The following ATP2B4 variants were observed in gnomAD, a reference collection of about 807,000 sequenced individuals.
ATP2B4 encodes the protein ATPase plasma membrane Ca2+ transporting 4, also known as plasma membrane calcium-transporting ATPase 4.
A neutral mutation model predicts 110.3 loss-of-function variants in ATP2B4; 39 were observed. That is an observed-to-expected ratio of 0.35 (90% CI 0.27 to 0.46). The LOEUF (loss-of-function observed/expected upper bound fraction) is 0.46. Among genes scored for constraint, ATP2B4 ranks in the 20% least tolerant of loss-of-function variants. The probability of loss-of-function intolerance (pLI) is 1.00; values close to 1 mark genes in which losing one functional copy is unlikely to be tolerated. For synonymous variants in ATP2B4, 538 were observed against 571.7 expected (o/e 0.94, Z 0.84); for missense variants, 1,135 against 1,530.9 (o/e 0.74, Z 4.32).
rs373048950 is a variant in ATP2B4, at chr1:203,649,615, AAAAC to A, written c.-465+22404_-465+22407del. 5.8e-4 allele frequency among the ~76,000 whole-genome samples: 89 copies of A among 152,242 alleles called. 1 individual carries two copies. In the East Asian group the frequency reaches 0.017, roughly 29 times the overall value. On this transcript the variant is annotated intron_variant, in intron 1 of 20. Coordinates refer to ENST00000357681, the MANE Select transcript of ATP2B4 (RefSeq NM_001684.5). ...GGGAAACCCCATCTCTACCAAAACC[AAAAC>A]AAACAAAACAAAACAAAACAAAAAA...
At chr1:203,724,867 GT>G (rs1031319768) in intron 19 of ATP2B4, among the ~76,000 whole-genome samples, 40 of 78,418 alleles carry the variant, frequency 5.1e-4, no homozygotes, top group East Asian at 1.5e-3. Context: ...CCAGCTCTCT[GT>G]TTTTTTTTTT....
chr1:203,737,858 A>G (rs928993048), intron 20 of ATP2B4, among the ~76,000 whole-genome samples: 2 of 152,096 alleles, frequency 1.3e-5, no homozygotes, highest in African/African-American at 4.8e-5. Context: ...CGAGATAAAG[A>G]AAGCCTTAGC....
chr1:203,680,230 G>T (rs192256909), intron 1 of ATP2B4, among the ~76,000 whole-genome samples: 2 of 152,172 alleles, frequency 1.3e-5, no homozygotes, highest in East Asian at 1.9e-4. Flanking sequence ...GTGGGGTGGG[G>T]GTTCCCTGGC....
chr1:203,655,893 T>C (rs1664145831), intron 1 of ATP2B4, among the ~76,000 whole-genome samples: 1 of 151,968 alleles, frequency 6.6e-6, no homozygotes, highest in Non-Finnish European at 1.5e-5. Flanking sequence ...AGATGATCAT[T>C]AGCGTTGTGT....
At chr1:203,657,774 G>C in intron 1 of ATP2B4, 2 of 640,778 alleles carry the variant, frequency 3.1e-6, no homozygotes, top group African/African-American at 3.7e-5. Flanking sequence ...GACAGGCGCA[G>C]AACCACCAGG....
chr1:203,660,540 G>A (rs957069348), intron 1 of ATP2B4, among the ~76,000 whole-genome samples: 2 of 152,114 alleles, frequency 1.3e-5, no homozygotes, highest in Non-Finnish European at 2.9e-5. Flanking sequence ...AGTGGCTCAC[G>A]CCTGTAATTC....
Position 203,629,746 on chromosome 1 carries a change from T to C in ATP2B4, c.-465+2527T>C, listed in dbSNP as rs1571656547. On this transcript the variant is annotated intron_variant, in intron 1 of 20. Transcript: ENST00000357681. This position sits in a 1 kb window ranked among gnomAD's most constrained non-coding sequence, Gnocchi z 4.6. The stretch of plus-strand genomic sequence containing the variant: ...GAACGGAGGCTTCCTGCCTCCCAGG[T>C]TGTGCCGAGCCTCAGACCCTTCTCC... Among the ~76,000 whole-genome samples, 2 of 152,082 alleles carry C rather than the reference T, an allele frequency of 1.3e-5. No homozygotes were observed. Among genetic ancestry groups the C allele is most frequent in the African/African-American group, 4.8e-5 (2 of 41,416 alleles).
chr1:203,644,896 G>A (rs1042812417), intron 1 of ATP2B4, among the ~76,000 whole-genome samples: 4 of 152,228 alleles, frequency 2.6e-5, no homozygotes, highest in South Asian at 4.2e-4. Context: ...CTGCAGCCCC[G>A]CTCTGTATGA....
At chr1:203,710,556 T>G (rs1665975363) in intron 11 of ATP2B4, among the ~76,000 whole-genome samples, 1 of 152,164 alleles carries the variant, frequency 6.6e-6, no homozygotes, top group African/African-American at 2.4e-5. Context: ...TTCTAAATAC[T>G]CGGATTGAAA....
chr1:203,731,120 G>T (rs1418174784), intron 20 of ATP2B4, among the ~76,000 whole-genome samples: 2 of 152,120 alleles, frequency 1.3e-5, no homozygotes, highest in South Asian at 4.1e-4. Context: ...TTCTTCCATG[G>T]AGCTGGAACC....
At chr1:203,701,029 C>A in intron 6 of ATP2B4, 106 bp downstream of exon 6, 2 of 1,388,038 alleles carry the variant, frequency 1.4e-6, no homozygotes, top group East Asian at 2.6e-5. Flanking sequence ...GAATCTGCTG[C>A]CATGAAGAAA....
chr1:203,630,440 A>T (rs1461270427), intron 1 of ATP2B4, among the ~76,000 whole-genome samples: 1 of 143,466 alleles, frequency 7.0e-6, no homozygotes, highest in Non-Finnish European at 1.5e-5. Flanking sequence ...AGCCCTATCC[A>T]CTAGGACAGA....
chr1:203,721,301 G>A lies in ATP2B4; in HGVS notation c.2703G>A (p.Lys901=), dbSNP rs1221241085. The part of the protein sequence containing the change: ...ATEPPTESLL[K]RRPYGRNKPL... ...AGCCCCCTACGGAATCTCTGTTGAAGCGGCGCCCCTATGGCCGAAATAAGC... is the reference window on the plus strand; with the variant it reads ...AGCCCCCTACGGAATCTCTGTTGAAACGGCGCCCCTATGGCCGAAATAAGC... The change falls in exon 17 of 21, where the codon AAG becomes AAA. Residue 901 remains lysine, a synonymous_variant. Transcript: ENST00000357681. The A allele has an allele frequency of 6.2e-7, 1 of 1,614,254 alleles. No individual in the cohort carries two copies.
intron 1 of ATP2B4, among the ~76,000 whole-genome samples, chr1:203,658,277 A>T (rs770556194): frequency 2.6e-5 from 4 of 151,716 alleles, no homozygotes; most frequent in Non-Finnish European, 5.9e-5. Flanking sequence ...TAGTCCTAGC[A>T]CTCTGGAAAA....
chr1:203,699,810 C>A, intron 4 of ATP2B4, 93 bp downstream of exon 4: 1 of 1,536,098 alleles, frequency 6.5e-7, no homozygotes, highest in Non-Finnish European at 8.8e-7. Flanking sequence ...TTGCTGAAAA[C>A]CCAAAAAGAT....
At chr1:203,644,271 A>AG (rs1663724118) in intron 1 of ATP2B4, among the ~76,000 whole-genome samples, 1 of 148,900 alleles carries the variant, frequency 6.7e-6, no homozygotes, top group Non-Finnish European at 1.5e-5. Context: ...AAAAAAAAAA[A>AG]GAATGCTTGG....
chr1:203,649,342 A>T (rs1211787147), intron 1 of ATP2B4, among the ~76,000 whole-genome samples: 1 of 152,232 alleles, frequency 6.6e-6, no homozygotes, highest in African/African-American at 2.4e-5. Context: ...GCTAGTAGGT[A>T]ACAGTGTGAC....
At chr1:203,713,913 A>G (rs1045906942) in intron 14 of ATP2B4, among the ~76,000 whole-genome samples, 1 of 152,164 alleles carries the variant, frequency 6.6e-6, no homozygotes. Flanking sequence ...GTACGTGGAA[A>G]TGGTGCAGTT....
At position 203,739,867 on chromosome 1, in the gene ATP2B4, T is replaced by C; in HGVS notation, c.*13T>C. The stretch of plus-strand genomic sequence containing the variant: ...GACATCAGTTTGAATTTTCTTTCTC[T>C]GACTCTCATCCCTATTTTACCTATT... On this transcript the variant is annotated 3_prime_UTR_variant, in exon 21 of 21. Coordinates refer to ENST00000357681, the MANE Select transcript of ATP2B4 (RefSeq NM_001684.5). The C allele has an allele frequency of 1.9e-6, 3 of 1,600,308 alleles. No homozygotes were observed. The highest frequency in any genetic ancestry group is 2.6e-6 in the Non-Finnish European group (3 of 1,172,114).
Sources: allele counts gnomAD v4.1 joint callset (sites outside exome capture counted in the v4.1 genomes callset), GRCh38; gene constraint gnomAD v4.1.1; non-coding constraint Gnocchi (gnomAD v3.1); transcripts MANE v1.5; gene names NCBI Gene and HGNC (gene_info 2026-07-23, HGNC 2026-07-21).